SIMC1: variants seen among roughly 807,000 people sequenced by gnomAD.
The protein encoded by SIMC1 is SUMO-interacting motif-containing protein 1.
A neutral mutation model predicts 82.3 loss-of-function variants in SIMC1; 55 were observed. The observed-to-expected ratio is 0.67, with a 90% confidence interval of 0.54 to 0.84. The LOEUF (loss-of-function observed/expected upper bound fraction) is 0.84. Ranked by LOEUF, SIMC1 falls within the 40% of genes least tolerant of loss-of-function variation. The pLI is 0.00. For synonymous variants in SIMC1, 353 were observed against 426.3 expected (o/e 0.83, Z 2.12); for missense variants, 915 against 1,107.2 (o/e 0.83, Z 2.46).
intron 1 of SIMC1, among the ~76,000 whole-genome samples, chr5:176,253,452 G>A (rs1410495347): frequency 1.3e-5 from 2 of 152,086 alleles, no homozygotes; most frequent in African/African-American, 4.8e-5. Context: ...GACCTCCAGT[G>A]ATCCACCCGC....
intron 5 of SIMC1, among the ~76,000 whole-genome samples, chr5:176,320,051 C>T (rs1024561300): frequency 1.3e-5 from 2 of 152,070 alleles, no homozygotes; most frequent in Non-Finnish European, 2.9e-5. Flanking sequence ...TGCGCTGGTT[C>T]GGTTTTACAG....
At chr5:176,256,951 C>T (rs1200697819) in intron 1 of SIMC1, among the ~76,000 whole-genome samples, 4 of 152,134 alleles carry the variant, frequency 2.6e-5, no homozygotes, top group Non-Finnish European at 5.9e-5. Flanking sequence ...GAGACAGGGT[C>T]TCACTATGTT....
chr5:176,248,093 CT>C (rs1199431936), intron 1 of SIMC1, among the ~76,000 whole-genome samples: 2 of 151,988 alleles, frequency 1.3e-5, no homozygotes, highest in Non-Finnish European at 2.9e-5. Context: ...TATATGGGCT[CT>C]TTTTTGGTTC....
intron 7 of SIMC1, among the ~76,000 whole-genome samples, chr5:176,330,554 T>G (rs1477731102): frequency 6.6e-6 from 1 of 151,394 alleles, no homozygotes; most frequent in African/African-American, 2.4e-5. Flanking sequence ...GACACAGGAG[T>G]CAGCTTAAAG....
At chr5:176,253,467 G>A (rs1761756580) in intron 1 of SIMC1, among the ~76,000 whole-genome samples, 1 of 152,118 alleles carries the variant, frequency 6.6e-6, no homozygotes. Flanking sequence ...ACCCGCCTCA[G>A]CCTCCCAAAG....
intron 1 of SIMC1, among the ~76,000 whole-genome samples, chr5:176,271,869 AATATATAATTATTAT>A (rs1401503140): frequency 2.1e-5 from 3 of 144,528 alleles, no homozygotes; most frequent in South Asian, 4.2e-4. Flanking sequence ...TATTATATAT[AATATATAATTATTAT>A]ATATATAATT....
In SIMC1 at chr5:176,336,838, T is replaced by C; in HGVS notation, c.2290T>C (p.Tyr764His). ...GCCTCTGTCTCTGGCCCAGGCCCTC[T>C]ACTTTCTGAATAATTCTACGTCACT... Reference protein sequence around the residue: ...RLPLSLAQALYFLNNSTSLLK... With the variant: ...RLPLSLAQALHFLNNSTSLLK... The change falls in exon 8 of 10, where the codon TAC becomes CAC. Residue 764 changes from tyrosine (Y) to histidine (H), a missense_variant. Transcript: ENST00000429602. 2 of 1,614,024 alleles carry C rather than the reference T, an allele frequency of 1.2e-6. No individual in the cohort carries two copies. The highest frequency in any genetic ancestry group is 4.5e-5 in the East Asian group (2 of 44,888).
chr5:176,270,731 AAAC>A (rs1246754421), intron 1 of SIMC1, among the ~76,000 whole-genome samples: 2 of 152,220 alleles, frequency 1.3e-5, no homozygotes, highest in Admixed American at 6.5e-5. Context: ...TCACAGCAGA[AAAC>A]AACACATGGC....
intron 2 of SIMC1, among the ~76,000 whole-genome samples, chr5:176,294,574 C>T (rs1196095267): frequency 2.0e-5 from 3 of 151,700 alleles, no homozygotes; most frequent in Non-Finnish European, 4.4e-5. Flanking sequence ...CCACTGCACC[C>T]GTCCTCTTTT....
chr5:176,278,194 T>G (rs1581244309), intron 1 of SIMC1, among the ~76,000 whole-genome samples: 2 of 60,204 alleles, frequency 3.3e-5, no homozygotes, highest in South Asian at 5.4e-4. Context: ...CCTAGGTATT[T>G]TATTCTCTTT....
intron 1 of SIMC1, among the ~76,000 whole-genome samples, chr5:176,283,588 C>G (rs1763119997): frequency 6.6e-6 from 1 of 152,158 alleles, no homozygotes; most frequent in African/African-American, 2.4e-5. Context: ...TTGTAAAGAC[C>G]ATTGAGACTA....
intron 5 of SIMC1, among the ~76,000 whole-genome samples, chr5:176,320,506 C>T (rs1329012854): frequency 1.3e-5 from 2 of 152,022 alleles, no homozygotes; most frequent in African/African-American, 4.8e-5. Flanking sequence ...GTAGCTGGGA[C>T]TACTGGCACG....
intron 4 of SIMC1, among the ~76,000 whole-genome samples, chr5:176,303,308 A>C (rs1581276741): frequency 6.8e-6 from 1 of 146,450 alleles, no homozygotes. Context: ...TGCAAAGGAC[A>C]CCAAATAGCC....
intron 7 of SIMC1, among the ~76,000 whole-genome samples, chr5:176,327,684 CA>C (rs1464773818): frequency 6.6e-6 from 1 of 152,118 alleles, no homozygotes; most frequent in Non-Finnish European, 1.5e-5. Context: ...AGGGTGAAAA[CA>C]TTCAGTTTTT....
intron 7 of SIMC1, among the ~76,000 whole-genome samples, chr5:176,326,424 G>A (rs1266898436): frequency 6.6e-6 from 1 of 151,138 alleles, no homozygotes; most frequent in East Asian, 1.9e-4. Flanking sequence ...TTAGAAACAG[G>A]GTCTTGCTAT....
chr5:176,307,609 C>A (rs908229486), intron 4 of SIMC1, among the ~76,000 whole-genome samples: 1 of 152,092 alleles, frequency 6.6e-6, no homozygotes, highest in Admixed American at 6.6e-5. Flanking sequence ...ACTGTGTTAG[C>A]CAGGATGGTC....
chr5:176,260,960 A>C (rs1561675858), intron 1 of SIMC1: 1 of 152,262 alleles, frequency 6.6e-6, no homozygotes. Context: ...TGAAGATGGC[A>C]GCAGCAGTGG....
At chr5:176,267,899 G>A (rs938361493) in intron 1 of SIMC1, among the ~76,000 whole-genome samples, 1 of 146,208 alleles carries the variant, frequency 6.8e-6, no homozygotes, top group Admixed American at 6.9e-5. Flanking sequence ...TGGGACTACA[G>A]GTGCGCACCA....
At chr5:176,307,055 A>G (rs991466608) in intron 4 of SIMC1, among the ~76,000 whole-genome samples, 1 of 152,228 alleles carries the variant, frequency 6.6e-6, no homozygotes, top group African/African-American at 2.4e-5. Flanking sequence ...CTGAAAAGAT[A>G]CTCAATATAA....
Sources: allele counts gnomAD v4.1 joint callset (sites outside exome capture counted in the v4.1 genomes callset), GRCh38; gene constraint gnomAD v4.1.1; transcripts MANE v1.5; gene names NCBI Gene and HGNC (gene_info 2026-07-23, HGNC 2026-07-21).